Variants in ZNF219 observed in about 807,000 individuals in gnomAD.
ZNF219 encodes zinc finger protein 219.
ZNF219 carries 17 observed loss-of-function variants against 54.4 expected under a neutral mutation model. That is an observed-to-expected ratio of 0.31 (90% confidence interval 0.21 to 0.47). The LOEUF (loss-of-function observed/expected upper bound fraction) is 0.47, where lower values mean the gene tolerates loss of function less well. ZNF219 is among the 20% of genes least tolerant of loss of function. The probability of loss-of-function intolerance (pLI) is 1.00; values close to 1 mark genes in which losing one functional copy is unlikely to be tolerated. For missense variants in ZNF219, 1,014 were observed against 1,062.3 expected (o/e 0.95, Z 0.63); for synonymous variants, 518 against 476.4 (o/e 1.09, Z -1.14).
At chr14:21,099,028 G>A (rs1889483737), upstream of ZNF219, 5 of 301,432 alleles carry the variant, frequency 1.7e-5, no homozygotes, top group South Asian at 1.4e-4. Context: ...CAATTCCTGC[G>A]CCTTCCTCTC....
exon 1 of ZNF219, chr14:21,104,721 G>A (rs998878449): frequency 6.6e-6 from 1 of 152,244 alleles, no homozygotes; most frequent in Admixed American, 6.5e-5. Context: ...TTGGAAGAGT[G>A]GTAATAATCT....
intron 3 of ZNF219, 87 bp downstream of exon 3, chr14:21,091,778 C>G: frequency 1.4e-6 from 2 of 1,471,026 alleles, no homozygotes; most frequent in East Asian, 4.7e-5. Context: ...AACGTAAGTT[C>G]TTTTAACAAG....
intron 3 of ZNF219, 129 bp downstream of exon 3, chr14:21,091,736 C>T (rs1888893446): frequency 1.4e-6 from 2 of 1,439,352 alleles, no homozygotes; most frequent in East Asian, 2.4e-5. Context: ...GAAAACAAAA[C>T]AAAACAAAAC....
intron 3 of ZNF219, 39 bp from the exon 4 acceptor site, chr14:21,091,581 C>T (rs964618613): frequency 6.4e-7 from 1 of 1,574,698 alleles, no homozygotes; most frequent in East Asian, 2.3e-5. Flanking sequence ...GGGGGGCCCA[C>T]ACCCTGTCCA....
chr14:21,093,780 C>A, intron 1 of ZNF219, 106 bp from the exon 2 acceptor site: 4 of 1,052,412 alleles, frequency 3.8e-6, no homozygotes, highest in Non-Finnish European at 4.2e-6. Flanking sequence ...AAAACCAATC[C>A]ATTCTCCCTA....
Position 21,092,169 on chromosome 14 carries a change from C to A in ZNF219, c.1128G>T (p.Pro376=). 6.9e-7 allele frequency: 1 copy of A among 1,448,364 alleles called. No homozygotes were observed. 89.7% of individuals were successfully genotyped at this position (1,448,364 alleles called of 1,614,324 possible). The part of the protein sequence containing the change: ...APTPAERREP[P]SLLGYLSLRA... ...GCAGGCTCAGGTAGCCCAAGAGGCT[C>A]GGGGGCTCACGGCGCTCGGCCGGGG... The change falls in exon 3 of 5, where the codon CCG becomes CCT. Residue 376 remains proline, a synonymous_variant. Coordinates refer to ENST00000360947, the MANE Select transcript of ZNF219 (RefSeq NM_016423.3).
rs372627398 is a variant in ZNF219 at position 21,092,231 on chromosome 14, G to A, written c.1066C>T (p.Pro356Ser). The A allele has an allele frequency of 2.1e-5, 31 of 1,452,592 alleles. No individual in the cohort carries two copies. In the South Asian group the frequency reaches 3.0e-4, roughly 14 times the overall value. The allele number at this position is 1,452,592 out of a possible 1,614,324, so 90.0% of individuals were successfully genotyped here. A position where few individuals can be genotyped will look rare whatever the true frequency, so the allele number is the denominator to read the frequency against. Reference sequence around the variant, plus strand: ...GCCAAGAGGAGCGCTGGGCCCAACGGCTCATAGGCCAGCAGGCCGAGGTCA... The same window carrying A: ...GCCAAGAGGAGCGCTGGGCCCAACGACTCATAGGCCAGCAGGCCGAGGTCA... The part of the protein sequence containing the change: ...PPDLGLLAYE[P>S]LGPALLLAPA... Residue 356 changes from proline to serine, a missense_variant, in exon 3 of 5, where the codon CCG becomes TCG. Physicochemically the swap from Pro to Ser is moderately conservative, Grantham distance 74. Around this residue, in one of 5 missense-constraint regions of ZNF219, gnomAD observed 272 missense variants for 248.9 expected, o/e 1.09. Coordinates refer to ENST00000360947, the MANE Select transcript of ZNF219 (RefSeq NM_016423.3).
chr14:21,093,633 G>A lies in ZNF219; in HGVS notation c.-42C>T. On this transcript the variant is annotated 5_prime_UTR_variant, in exon 2 of 5. Transcript: ENST00000360947. ...CTTTGGTTCTGGGAAGTGCAGGGAA[G>A]AGGAGGAAAAGCTGCTAATGAAGGC... 1.2e-6 allele frequency: 2 copies of A among 1,614,150 alleles called. No homozygotes were observed. The highest frequency in any genetic ancestry group is 2.2e-5 in the South Asian group (2 of 91,082).
chr14:21,092,568 G>C lies in ZNF219; in HGVS notation c.729C>G (p.Val243=). The C allele has an allele frequency of 6.5e-7, 1 of 1,547,410 alleles. No individual in the cohort carries two copies. The highest frequency in any genetic ancestry group is 1.2e-5 in the South Asian group (1 of 83,974). Residue 243 remains valine, a synonymous_variant, in exon 3 of 5, where the codon GTC becomes GTG. Transcript: ENST00000360947. Reference sequence around the variant, plus strand: ...GCTCCGGCTCCGGCTCCGGCTGGGGGACTGATCTGGGTTCGGGCTGGGGTG... The same window carrying C: ...GCTCCGGCTCCGGCTCCGGCTGGGGCACTGATCTGGGTTCGGGCTGGGGTG... ...QPPPQPEPRS[V]PQPEPEPEPE...
chr14:21,103,944 C>A (rs1385071399), upstream of ZNF219: 1 of 152,378 alleles, frequency 6.6e-6, no homozygotes, highest in African/African-American at 2.4e-5. Context: ...GGAGCTGACG[C>A]TTGGCAGAGC....
upstream of ZNF219, chr14:21,098,950 A>G: frequency 4.7e-6 from 4 of 852,660 alleles, no homozygotes; most frequent in African/African-American, 1.8e-5. Flanking sequence ...GATTATAGAG[A>G]TAGTTAATGT....
rs1459697534 is a variant in ZNF219, at chr14:21,092,669, T to C, written c.628A>G (p.Thr210Ala). The change falls in exon 3 of 5, where the codon ACG (threonine) becomes GCG (alanine). Residue 210 changes from threonine (T) to alanine (A), a missense_variant. Coordinates refer to ENST00000360947, the MANE Select transcript of ZNF219 (RefSeq NM_016423.3). ...QEEELLHHSL[T>A]AHGAPERPLA... Reference sequence around the variant, plus strand: ...GGACGCTCGGGAGCCCCGTGGGCCGTCAGGCTGTGGTGCAGCAGCTCCTCC... The same window carrying C: ...GGACGCTCGGGAGCCCCGTGGGCCGCCAGGCTGTGGTGCAGCAGCTCCTCC... The C allele has an allele frequency of 1.3e-6, 2 of 1,572,696 alleles. No individual in the cohort carries two copies. Among genetic ancestry groups the C allele is most frequent in the Non-Finnish European group, 8.6e-7 (1 of 1,161,488 alleles).
upstream of ZNF219, among the ~76,000 whole-genome samples, chr14:21,100,369 T>TATAATAATA (rs3061999): frequency 0.012 from 1,741 of 149,398 alleles, 12 homozygotes; most frequent in South Asian, 0.025. Flanking sequence ...GTCTCAATAA[T>TATAATAATA]ATAATAATAA....
Position 21,098,632 on chromosome 14 carries a change from G to T in ZNF219, c.-404C>A. 1 of 1,015,752 alleles carries T rather than the reference G, an allele frequency of 9.8e-7. No homozygotes were observed. The highest frequency in any genetic ancestry group is 3.2e-5 in the South Asian group (1 of 31,590). The allele number at this position is 1,015,752 out of a possible 1,614,324, so 62.9% of individuals were successfully genotyped here. A position where few individuals can be genotyped will look rare whatever the true frequency, so the allele number is the denominator to read the frequency against. On this transcript the variant is annotated 5_prime_UTR_variant, in exon 1 of 5. Transcript: ENST00000360947. ...GAGCCGCGAGAGGCGGCCGCCAGGGGCGGGGTGCGGGCGGTTTGGAGACGG... is the reference window on the plus strand; with the variant it reads ...GAGCCGCGAGAGGCGGCCGCCAGGGTCGGGGTGCGGGCGGTTTGGAGACGG...
Position 21,092,098 on chromosome 14 carries a change from G to A in ZNF219, c.1199C>T (p.Pro400Leu), listed in dbSNP as rs1258930881. ...GCGGAAGCCTCCGAAGCTGCGGCCG[G>A]GACCGGGCTCAGCACCCTCGCCGTT... ...RPNGEGAEPG[P>L]GRSFGGFRPL... Residue 400 changes from proline (P) to leucine (L), a missense_variant, in exon 3 of 5, where the codon CCC (proline) becomes CTC (leucine). Around this residue, in one of 5 missense-constraint regions of ZNF219, gnomAD observed 272 missense variants for 248.9 expected, o/e 1.09. Coordinates refer to ENST00000360947, the MANE Select transcript of ZNF219 (RefSeq NM_016423.3). The A allele has an allele frequency of 7.2e-6, 11 of 1,533,854 alleles. No homozygotes were observed. The highest frequency in any genetic ancestry group is 8.8e-7 in the Non-Finnish European group (1 of 1,141,028).
chr14:21,092,606 G>T lies in ZNF219; in HGVS notation c.691C>A (p.Gln231Lys). 6.5e-7 allele frequency: 1 copy of T among 1,550,354 alleles called. No individual in the cohort carries two copies. Among genetic ancestry groups the T allele is most frequent in the East Asian group, 2.4e-5 (1 of 41,902 alleles). ...ATSAAPPPQPQPQPPPQPEPR... is the reference protein window; with the variant it reads ...ATSAAPPPQPKPQPPPQPEPR... ...TCGGGCTGGGGTGGAGGCTGAGGCT[G>T]AGGCTGAGGCGGAGGCGCAGCGGAG... Residue 231 changes from glutamine (Q) to lysine (K), a missense_variant, in exon 3 of 5, where the codon CAG (glutamine) becomes AAG (lysine). Coordinates refer to ENST00000360947, the MANE Select transcript of ZNF219 (RefSeq NM_016423.3).
At chr14:21,097,364 G>C (rs1421287949) in intron 1 of ZNF219, 1 of 152,354 alleles carries the variant, frequency 6.6e-6, no homozygotes, top group Non-Finnish European at 1.5e-5. Flanking sequence ...TTATCCCAGA[G>C]GCATGTCCTA....
At chr14:21,101,876 A>G, upstream of ZNF219, 1 of 1,551,492 alleles carries the variant, frequency 6.4e-7, no homozygotes, top group Non-Finnish European at 8.7e-7. Context: ...TGAGCCAGCT[A>G]TGGCTGGCAG....
In ZNF219 at chr14:21,092,834, G is replaced by T; in HGVS notation, c.463C>A (p.Pro155Thr). Residue 155 changes from proline (P) to threonine (T), a missense_variant, in exon 3 of 5, where the codon CCC becomes ACC. Physicochemically the swap from Pro to Thr is conservative, Grantham distance 38. Around this residue, in one of 5 missense-constraint regions of ZNF219, gnomAD observed 395 missense variants for 415.1 expected, o/e 0.95. Transcript: ENST00000360947. ...AAGGCGGACGATGAAGGAGCCTGGG[G>T]CCGCGCCAGACCCTCAGTGGCAGGG... The part of the protein sequence containing the change: ...ATPATEGLAR[P>T]QAPSSSAFRC... 6.4e-7 allele frequency: 1 copy of T among 1,571,292 alleles called. No homozygotes were observed. Among genetic ancestry groups the T allele is most frequent in the Admixed American group, 1.8e-5 (1 of 54,900 alleles).
Sources: gnomAD v4.1 joint callset for allele counts (sites outside exome capture counted in the v4.1 genomes callset) on GRCh38, gnomAD v4.1.1 for gene constraint, gnomAD v4.1.1 regional missense constraint, MANE v1.5 for transcripts, NCBI Gene and HGNC (gene_info 2026-07-23, HGNC 2026-07-21) for gene names.